Variants in ZNF676 observed in about 807,000 individuals in gnomAD.
The protein encoded by ZNF676 is zinc finger protein 676.
Under a neutral mutation model 6.0 loss-of-function variants are expected in ZNF676, and 4 were observed. The observed-to-expected ratio is 0.67, with a 90% confidence interval of 0.33 to 1.53. The LOEUF is 1.53. Ranked by LOEUF, ZNF676 falls within the 40% of genes most tolerant of loss-of-function variation. The probability of loss-of-function intolerance (pLI) is 0.06; values close to 1 mark genes in which losing one functional copy is unlikely to be tolerated. For synonymous variants in ZNF676, 198 were observed against 223.1 expected (o/e 0.89, Z 1.00); for missense variants, 644 against 679.7 (o/e 0.95, Z 0.58).
At chr19:22,253,382 A>ATGATAATG in the ZNF676 span, among the ~76,000 whole-genome samples, 1 of 102,872 alleles carries the variant, frequency 9.7e-6, no homozygotes, top group Non-Finnish European at 1.9e-5. Flanking sequence ...GTATATATAT[A>ATGATAATG]TATATATATA....
intron 1 of ZNF676, among the ~76,000 whole-genome samples, chr19:22,193,425 C>T (rs73930528): frequency 0.04 from 6,110 of 152,048 alleles, 403 homozygotes; most frequent in African/African-American, 0.14. Flanking sequence ...GAAATGGGTT[C>T]GTCAAAAAGG....
chr19:22,205,970 C>T (rs1468339417), intron 1 of ZNF676, among the ~76,000 whole-genome samples: 1 of 151,424 alleles, frequency 6.6e-6, no homozygotes, highest in Admixed American at 6.6e-5. Context: ...CCACTGACCC[C>T]ACAAAAATAT....
intron 1 of ZNF676, among the ~76,000 whole-genome samples, chr19:22,211,756 G>A (rs767476876): frequency 4.6e-5 from 7 of 152,060 alleles, no homozygotes; most frequent in Non-Finnish European, 1.0e-4. Context: ...ATGTTTTCAC[G>A]AATCTATGTA....
intron 1 of ZNF676, among the ~76,000 whole-genome samples, chr19:22,210,474 T>C (rs2024117753): frequency 6.6e-6 from 1 of 152,196 alleles, no homozygotes; most frequent in African/African-American, 2.4e-5. Flanking sequence ...ACTGTAGTTA[T>C]ATTCACTGGA....
At chr19:22,201,947 A>G (rs1256389861), upstream of ZNF676, among the ~76,000 whole-genome samples, 3 of 152,202 alleles carry the variant, frequency 2.0e-5, no homozygotes, top group Admixed American at 2.0e-4. Flanking sequence ...ATAAATACAT[A>G]GCTGAAGAAA....
At chr19:22,234,980 GAA>G in the ZNF676 span, among the ~76,000 whole-genome samples, 4 of 81,470 alleles carry the variant, frequency 4.9e-5, no homozygotes, top group African/African-American at 2.1e-4. Context: ...AAGAAAGAAA[GAA>G]AGAAAGAAAG....
the ZNF676 span, among the ~76,000 whole-genome samples, chr19:22,251,244 A>T: frequency 1.3e-5 from 2 of 152,384 alleles, no homozygotes; most frequent in Non-Finnish European, 2.9e-5. Flanking sequence ...TAATCAGGCC[A>T]ACTATAAGAC....
rs2023874568 is a variant in ZNF676 at position 22,189,259 on chromosome 19, GATTCCCTATTTA to G, written c.130+3745_130+3756del. 3.9e-5 allele frequency among the ~76,000 whole-genome samples: 6 copies of G among 152,178 alleles called. No individual in the cohort carries two copies. The South Asian group carries it at 1.2e-3, about 32-fold the overall frequency. On this transcript the variant is annotated intron_variant, in intron 2 of 2. Coordinates refer to ENST00000397121, the MANE Select transcript of ZNF676 (RefSeq NM_001001411.3). The stretch of plus-strand genomic sequence containing the variant: ...TGACAAAAACAAGAAATGGGGAAAG[GATTCCCTATTTA>G]ATAAATGATGTTGAAAAAACTTGCT...
At chr19:22,248,096 C>A in the ZNF676 span, among the ~76,000 whole-genome samples, 3 of 151,612 alleles carry the variant, frequency 2.0e-5, no homozygotes, top group Non-Finnish European at 2.9e-5. Context: ...TTTATGGCTG[C>A]ATAGTATTCC....
At chr19:22,184,739 C>T (rs146140464) in intron 2 of ZNF676, among the ~76,000 whole-genome samples, 1 of 149,676 alleles carries the variant, frequency 6.7e-6, no homozygotes, top group East Asian at 2.0e-4. Context: ...ATAAAGCCAC[C>T]CAGAAGATTG....
chr19:22,232,574 A>C, the ZNF676 span, among the ~76,000 whole-genome samples: 1 of 152,168 alleles, frequency 6.6e-6, no homozygotes. Flanking sequence ...ATCATTCCTA[A>C]CAGAGGTATA....
the ZNF676 span, among the ~76,000 whole-genome samples, chr19:22,229,077 A>T: frequency 6.6e-6 from 1 of 152,160 alleles, no homozygotes; most frequent in South Asian, 2.1e-4. Context: ...AGCTGGAGAC[A>T]TTACAGTACC....
chr19:22,217,602 C>T (rs281192), upstream of ZNF676, among the ~76,000 whole-genome samples: 63,073 of 147,524 alleles, frequency 0.43, 14,153 homozygotes, highest in African/African-American at 0.58. Flanking sequence ...TTCTTTTTTC[C>T]TTTTTTTTTT....
chr19:22,244,657 T>A, the ZNF676 span: 2 of 152,218 alleles, frequency 1.3e-5, no homozygotes, highest in Non-Finnish European at 2.9e-5. Flanking sequence ...GGAAAAGACC[T>A]GCCAGAAAAG....
the ZNF676 span, among the ~76,000 whole-genome samples, chr19:22,226,711 C>A: frequency 6.6e-6 from 1 of 151,850 alleles, no homozygotes; most frequent in Non-Finnish European, 1.5e-5. Context: ...ATTCTCCTGC[C>A]TCAGCCTCCT....
chr19:22,221,477 C>A, the ZNF676 span, among the ~76,000 whole-genome samples: 5 of 152,066 alleles, frequency 3.3e-5, no homozygotes, highest in Admixed American at 3.3e-4. Context: ...AGGGGCTGGG[C>A]ATGGTGGCTC....
At chr19:22,193,310 A>G (rs1417447779) in intron 1 of ZNF676, among the ~76,000 whole-genome samples, 199 bp from the exon 2 acceptor site, 1 of 152,194 alleles carries the variant, frequency 6.6e-6, no homozygotes, top group East Asian at 1.9e-4. Context: ...GCTCAAGTTA[A>G]TTCACAAACA....
intron 1 of ZNF676, among the ~76,000 whole-genome samples, chr19:22,212,897 C>A (rs576078959): frequency 6.7e-6 from 1 of 149,256 alleles, no homozygotes; most frequent in Admixed American, 6.7e-5. Context: ...TGGGAGGCTG[C>A]GGCAGAAGAA....
chr19:22,204,007 T>TA (rs2024052095), intron 1 of ZNF676: 1 of 152,238 alleles, frequency 6.6e-6, no homozygotes, highest in African/African-American at 2.4e-5. Flanking sequence ...AGCACTTTTT[T>TA]ATAAAAAATT....
Sources: allele counts gnomAD v4.1 joint callset (sites outside exome capture counted in the v4.1 genomes callset), GRCh38; gene constraint gnomAD v4.1.1; transcripts MANE v1.5; gene names NCBI Gene and HGNC (gene_info 2026-07-23, HGNC 2026-07-21).